Variants in ZNF112 observed in about 807,000 individuals in gnomAD.
ZNF112 encodes zinc finger protein 112.
ZNF112 carries 37 observed loss-of-function variants against 77.7 expected under a neutral mutation model. That is an observed-to-expected ratio of 0.48 (90% CI 0.37 to 0.63). ZNF112 has a LOEUF of 0.63. Ranked by LOEUF, ZNF112 falls within the 20% of genes least tolerant of loss-of-function variation. The pLI, the probability that ZNF112 is intolerant of heterozygous loss-of-function variation, is 0.00. For synonymous variants in ZNF112, 333 were observed against 363.6 expected (o/e 0.92, Z 0.96); for missense variants, 950 against 1,077.4 (o/e 0.88, Z 1.66).
At chr19:44,341,170 C>A (rs1970482883) in intron 1 of ZNF112, 1 of 456,552 alleles carries the variant, frequency 2.2e-6, no homozygotes, top group African/African-American at 2.0e-5. Context: ...CAGCACCTGG[C>A]ACACAGTAAG....
rs563588460 is a variant in ZNF112, at chr19:44,345,737, C to A, written c.-3-5195G>T. On this transcript the variant is annotated intron_variant, in intron 1 of 3. Transcript: ENST00000354340. The stretch of plus-strand genomic sequence containing the variant: ...CACAGGAATCTTTCATGTCTGTCTG[C>A]TCATTTTCTCTGCAAATCTTCTCTC... Among the ~76,000 whole-genome samples, 265 of 152,256 alleles carry A rather than the reference C, an allele frequency of 1.7e-3. 1 individual carries two copies. Among genetic ancestry groups the A allele is most frequent in the African/African-American group, 6.1e-3 (253 of 41,550 alleles).
Position 44,328,655 on chromosome 19 carries a change from T to C in ZNF112, c.1502A>G (p.Asn501Ser), listed in dbSNP as rs536128138. 9.9e-6 allele frequency: 16 copies of C among 1,614,130 alleles called. No homozygotes were observed. Among genetic ancestry groups the C allele is most frequent in the East Asian group, 8.9e-5 (4 of 44,882 alleles). Residue 501 changes from asparagine to serine, a missense_variant, in exon 4 of 4, where the codon AAC becomes AGC. Around this residue, in one of 3 missense-constraint regions of ZNF112, gnomAD observed 560 missense variants for 557.3 expected, o/e 1.00. Coordinates refer to ENST00000354340, the MANE Select transcript of ZNF112 (RefSeq NM_013380.4). The stretch of plus-strand genomic sequence containing the variant: ...ATGATCTTTAAGTTTTGAGCTCCAG[T>C]TGAAGCCATTCCCATGCTCCTTACG... ...KPRKEHGNGF[N>S]WSSKLKDHQR...
chr19:44,351,611 T>C (rs1970693105), intron 1 of ZNF112, among the ~76,000 whole-genome samples: 1 of 152,106 alleles, frequency 6.6e-6, no homozygotes, highest in African/African-American at 2.4e-5. Context: ...AATTAAAGTT[T>C]CCTCTCATTA....
In ZNF112 at chr19:44,330,438, G is replaced by C. The variant is rs2123144034; in HGVS notation, c.221-502C>G. ...ATGATGGCTGTGTTCAAAAGGCTTAGTAAAACCATAAACATGGCTGGGCAT... is the reference window on the plus strand; with the variant it reads ...ATGATGGCTGTGTTCAAAAGGCTTACTAAAACCATAAACATGGCTGGGCAT... On this transcript the variant is annotated intron_variant, in intron 3 of 3. Transcript: ENST00000354340. 3.9e-5 allele frequency among the ~76,000 whole-genome samples: 6 copies of C among 152,278 alleles called. 1 individual carries two copies. The highest frequency in any genetic ancestry group is 3.9e-4 in the Admixed American group (6 of 15,268).
intron 1 of ZNF112, among the ~76,000 whole-genome samples, chr19:44,344,314 TGTTA>T (rs1970546527): frequency 2.2e-5 from 2 of 89,680 alleles, no homozygotes; most frequent in African/African-American, 7.1e-5. Flanking sequence ...CCTCAAGGTT[TGTTA>T]CTTTACTTTA....
chr19:44,357,107 A>G (rs774735510), upstream of ZNF112, among the ~76,000 whole-genome samples: 2 of 152,132 alleles, frequency 1.3e-5, no homozygotes, highest in Admixed American at 6.5e-5. Context: ...TCTCGTTTGG[A>G]TAGTCAGTAT....
At chr19:44,356,853 G>T (rs1340372823), upstream of ZNF112, among the ~76,000 whole-genome samples, 1 of 152,228 alleles carries the variant, frequency 6.6e-6, no homozygotes, top group Non-Finnish European at 1.5e-5. Context: ...CAAGTACCGG[G>T]TGCCAAGCTG....
upstream of ZNF112, among the ~76,000 whole-genome samples, chr19:44,359,049 A>T (rs527414322): frequency 2.6e-5 from 4 of 152,262 alleles, no homozygotes; most frequent in East Asian, 7.7e-4. Flanking sequence ...CTTTGTAAAC[A>T]TTATTAAACA....
intron 1 of ZNF112, among the ~76,000 whole-genome samples, chr19:44,361,862 A>C (rs1970857480): frequency 6.6e-6 from 1 of 151,246 alleles, no homozygotes; most frequent in Non-Finnish European, 1.5e-5. Context: ...CAATAGGAGA[A>C]ACTGGGCAGG....
At chr19:44,364,522 C>T (rs1970884202) in intron 1 of ZNF112, among the ~76,000 whole-genome samples, 1 of 152,054 alleles carries the variant, frequency 6.6e-6, no homozygotes, top group South Asian at 2.1e-4. Flanking sequence ...GATTTCTTCC[C>T]TCACTTTCCA....
In ZNF112 at chr19:44,327,641, C is replaced by T. The variant is rs1430716077; in HGVS notation, c.2516G>A (p.Arg839Lys). The change falls in exon 4 of 4, where the codon AGA becomes AAA. Residue 839 changes from arginine to lysine, a missense_variant. Arg to Lys is a conservative substitution (Grantham distance 26, BLOSUM62 2). Coordinates refer to ENST00000354340, the MANE Select transcript of ZNF112 (RefSeq NM_013380.4). ...TCTCTGGTGAGCCTGAAGATTTGAT[C>T]TCTGACTGAAGCCCTTTCCACATAC... ...CEVCGKGFSQ[R>K]SNLQAHQRVH... 6.2e-7 allele frequency: 1 copy of T among 1,613,826 alleles called. No individual in the cohort carries two copies. The highest frequency in any genetic ancestry group is 1.3e-5 in the African/African-American group (1 of 74,874).
At chr19:44,363,337 T>A (rs1413939236) in intron 1 of ZNF112, among the ~76,000 whole-genome samples, 2 of 152,170 alleles carry the variant, frequency 1.3e-5, no homozygotes, top group Non-Finnish European at 2.9e-5. Flanking sequence ...ATTCTCAGCT[T>A]AGATACTAAA....
upstream of ZNF112, among the ~76,000 whole-genome samples, chr19:44,358,100 C>G (rs1395690016): frequency 6.7e-6 from 1 of 149,214 alleles, no homozygotes; most frequent in Non-Finnish European, 1.5e-5. Context: ...TGCAGTGAGC[C>G]GAGATCGCAC....
Position 44,327,126 on chromosome 19 carries a change from AAAGTCCCTT to A in ZNF112, c.*298_*306del. On this transcript the variant is annotated 3_prime_UTR_variant, in exon 4 of 4. Coordinates refer to ENST00000354340, the MANE Select transcript of ZNF112 (RefSeq NM_013380.4). ...CTAGTTTTGTAGACTAGCAATGAACAAAGTCCCTTCTTTCACCAAGCTTACATTCTAGAG... is the reference window on the plus strand; with the variant it reads ...CTAGTTTTGTAGACTAGCAATGAACACTTTCACCAAGCTTACATTCTAGAG... 1 of 240,618 alleles carries A rather than the reference AAAGTCCCTT, an allele frequency of 4.2e-6. No homozygotes were observed. The highest frequency in any genetic ancestry group is 8.1e-6 in the Non-Finnish European group (1 of 124,060). The allele number at this position is 240,618 out of a possible 1,614,324, so 14.9% of individuals were successfully genotyped here. A position where few individuals can be genotyped will look rare whatever the true frequency, so the allele number is the denominator to read the frequency against.
chr19:44,327,189 T>C lies in ZNF112; in HGVS notation c.*244A>G. On this transcript the variant is annotated 3_prime_UTR_variant, in exon 4 of 4. Coordinates refer to ENST00000354340, the MANE Select transcript of ZNF112 (RefSeq NM_013380.4). ...ATGGATTTAGGCATGCTCATCACTGTACTTTTATTAAATTCCTGACCATAC... is the reference window on the plus strand; with the variant it reads ...ATGGATTTAGGCATGCTCATCACTGCACTTTTATTAAATTCCTGACCATAC... 1 of 410,894 alleles carries C rather than the reference T, an allele frequency of 2.4e-6. No individual in the cohort carries two copies. The allele number at this position is 410,894 out of a possible 1,614,324, so 25.5% of individuals were successfully genotyped here. A position where few individuals can be genotyped will look rare whatever the true frequency, so the allele number is the denominator to read the frequency against.
At chr19:44,342,990 T>C (rs919743978) in intron 1 of ZNF112, among the ~76,000 whole-genome samples, 4 of 152,094 alleles carry the variant, frequency 2.6e-5, no homozygotes, top group African/African-American at 9.7e-5. Context: ...CAAAAACAGA[T>C]TTGTAAGCAG....
chr19:44,326,797 A>C lies in ZNF112; in HGVS notation c.*636T>G, dbSNP rs919555090. 1.3e-5 allele frequency: 2 copies of C among 152,658 alleles called. No homozygotes were observed. The highest frequency in any genetic ancestry group is 4.8e-5 in the African/African-American group (2 of 41,458). 9.5% of individuals were successfully genotyped at this position (152,658 alleles called of 1,614,324 possible). A position where few individuals can be genotyped will look rare whatever the true frequency, so the allele number is the denominator to read the frequency against. ...AAAGCTAAACTTCAGCAGATGGTAT[A>C]ATGTATAGAGACCAAACGTTAAGAA... On this transcript the variant is annotated 3_prime_UTR_variant, in exon 4 of 4. Transcript: ENST00000354340.
Position 44,328,636 on chromosome 19 carries a change from T to C in ZNF112, c.1521A>G (p.Lys507=), listed in dbSNP as rs1970188000. The change falls in exon 4 of 4, where the codon AAA becomes AAG. Residue 507 remains lysine (K), a synonymous_variant. Coordinates refer to ENST00000354340, the MANE Select transcript of ZNF112 (RefSeq NM_013380.4). ...GTCCAGTGTGGACTCTCTGATGATC[T>C]TTAAGTTTTGAGCTCCAGTTGAAGC... ...GNGFNWSSKL[K]DHQRVHTGQK... 4 of 1,614,138 alleles carry C rather than the reference T, an allele frequency of 2.5e-6. No homozygotes were observed. The highest frequency in any genetic ancestry group is 3.4e-6 in the Non-Finnish European group (4 of 1,180,014).
intron 1 of ZNF112, among the ~76,000 whole-genome samples, chr19:44,342,798 G>C (rs1173645771): frequency 1.3e-5 from 2 of 149,628 alleles, no homozygotes; most frequent in Non-Finnish European, 3.0e-5. Flanking sequence ...CTGGGCAACA[G>C]AGCGAGACTC....
Sources: gnomAD v4.1 joint callset for allele counts (sites outside exome capture counted in the v4.1 genomes callset) on GRCh38, gnomAD v4.1.1 for gene constraint, gnomAD v4.1.1 regional missense constraint, MANE v1.5 for transcripts, NCBI Gene and HGNC (gene_info 2026-07-23, HGNC 2026-07-21) for gene names.